The following ATP10D variants were observed in gnomAD, a reference collection of about 807,000 sequenced individuals.
The protein encoded by ATP10D is phospholipid-transporting ATPase VD.
In ATP10D, 89 loss-of-function variants were observed where a neutral mutation model predicts 144.8. The observed-to-expected ratio is 0.61, with a 90% CI of 0.52 to 0.73. The LOEUF is 0.73. ATP10D is among the 30% of genes least tolerant of loss of function. ATP10D has a pLI of 0.00. For synonymous variants in ATP10D, 571 were observed against 615.1 expected (o/e 0.93, Z 1.06); for missense variants, 1,603 against 1,714.8 (o/e 0.93, Z 1.15).
At chr4:47,543,078 A>G (rs1391272578) in intron 9 of ATP10D, among the ~76,000 whole-genome samples, 1 of 152,222 alleles carries the variant, frequency 6.6e-6, no homozygotes, top group African/African-American at 2.4e-5. Flanking sequence ...AAAATAAGAT[A>G]TTTTGAGAGA....
rs1453026338 is a variant in ATP10D, at chr4:47,593,179, C to T, written c.*1798C>T. On this transcript the variant is annotated 3_prime_UTR_variant, in exon 23 of 23. Transcript: ENST00000273859. ...AATACTAAGGAAAAAGAACAATTTT[C>T]AATTTTCAGAAATGAATTATCTGTA... 1 of 151,994 alleles carries T rather than the reference C, an allele frequency of 6.6e-6. No individual in the cohort carries two copies. The highest frequency in any genetic ancestry group is 1.5e-5 in the Non-Finnish European group (1 of 67,954). 9.4% of individuals were successfully genotyped at this position (151,994 alleles called of 1,614,324 possible). A position where few individuals can be genotyped will look rare whatever the true frequency, so the allele number is the denominator to read the frequency against.
At chr4:47,518,596 C>A (rs964822355) in intron 3 of ATP10D, among the ~76,000 whole-genome samples, 1 of 152,130 alleles carries the variant, frequency 6.6e-6, no homozygotes, top group African/African-American at 2.4e-5. Context: ...TTAAAAATCA[C>A]CATGTTGTTG....
At chr4:47,564,848 T>C (rs1292832549) in intron 15 of ATP10D, among the ~76,000 whole-genome samples, 2 of 152,246 alleles carry the variant, frequency 1.3e-5, no homozygotes, top group African/African-American at 4.8e-5. Context: ...ACCAGTGATA[T>C]CAATCCCATC....
At chr4:47,578,351 G>A (rs1317969820) in intron 19 of ATP10D, 1 of 152,156 alleles carries the variant, frequency 6.6e-6, no homozygotes, top group Non-Finnish European at 1.5e-5. Context: ...GCAGTCAGAA[G>A]CTTCCCTTCC....
At chr4:47,521,095 G>T (rs1051989194) in intron 3 of ATP10D, among the ~76,000 whole-genome samples, 10 of 151,892 alleles carry the variant, frequency 6.6e-5, no homozygotes, top group African/African-American at 1.9e-4. Flanking sequence ...ACTTATCTCG[G>T]GTCTTCTTTC....
intron 16 of ATP10D, among the ~76,000 whole-genome samples, chr4:47,569,462 G>T (rs1402623015): frequency 1.3e-5 from 2 of 152,134 alleles, no homozygotes; most frequent in East Asian, 3.8e-4. Flanking sequence ...AAATCCATGT[G>T]TTCTACCTTC....
Position 47,558,077 on chromosome 4 carries a change from T to G in ATP10D, c.2238T>G (p.Ser746=). The stretch of plus-strand genomic sequence containing the variant: ...GGGCTTACCAATGCACTTTACGGTC[T>G]CGGACACCAGAGCAGGTCATGGTGG... ...AARAYQCTLR[S]RTPEQVMVDF... Residue 746 remains serine, a synonymous_variant, in exon 12 of 23, where the codon TCT becomes TCG. Coordinates refer to ENST00000273859, the MANE Select transcript of ATP10D (RefSeq NM_020453.4). 2 of 1,614,214 alleles carry G rather than the reference T, an allele frequency of 1.2e-6. No homozygotes were observed. Among genetic ancestry groups the G allele is most frequent in the Non-Finnish European group, 1.7e-6 (2 of 1,180,034 alleles).
At chr4:47,491,112 T>C in intron 1 of ATP10D, 1 of 731,032 alleles carries the variant, frequency 1.4e-6, no homozygotes, top group Non-Finnish European at 2.6e-6. Flanking sequence ...TCTCTTTGGC[T>C]TTTTTCTTTT....
intron 3 of ATP10D, among the ~76,000 whole-genome samples, chr4:47,516,210 T>A (rs1224334621): frequency 1.3e-5 from 2 of 151,288 alleles, no homozygotes; most frequent in East Asian, 3.9e-4. Flanking sequence ...AGCCACTGCA[T>A]TCCATCCTGG....
At chr4:47,574,339 G>A (rs778109029) in intron 18 of ATP10D, among the ~76,000 whole-genome samples, 2 of 152,190 alleles carry the variant, frequency 1.3e-5, no homozygotes, top group African/African-American at 2.4e-5. Flanking sequence ...CATTCATACT[G>A]ATAATCTCCA....
At chr4:47,507,771 G>C (rs1481915761) in intron 1 of ATP10D, among the ~76,000 whole-genome samples, 1 of 152,216 alleles carries the variant, frequency 6.6e-6, no homozygotes, top group Non-Finnish European at 1.5e-5. Flanking sequence ...TATGAGCCAT[G>C]CTCAGGGTTC....
intron 9 of ATP10D, among the ~76,000 whole-genome samples, chr4:47,544,027 G>C (rs1167257366): frequency 6.8e-6 from 1 of 146,994 alleles, no homozygotes; most frequent in Non-Finnish European, 1.5e-5. Context: ...ATTAAGCAGG[G>C]GATATTGGCC....
intron 15 of ATP10D, among the ~76,000 whole-genome samples, chr4:47,564,902 GGATCACTTCTTGAGCTTTGCCT>G (rs1450110282): frequency 2.6e-5 from 4 of 152,166 alleles, no homozygotes; most frequent in Admixed American, 2.6e-4. Context: ...CTTTTCTTCA[GGATCACTTCTTGAGCTTTGCCT>G]GCTCAAGGCT....
chr4:47,498,613 T>C (rs573360473), intron 1 of ATP10D, among the ~76,000 whole-genome samples: 2 of 152,362 alleles, frequency 1.3e-5, no homozygotes, highest in African/African-American at 4.8e-5. Context: ...TTGTCCCTTA[T>C]TCTCTTAAGA....
chr4:47,562,000 A>T (rs1258258586), intron 14 of ATP10D, among the ~76,000 whole-genome samples: 3 of 152,180 alleles, frequency 2.0e-5, no homozygotes, highest in Non-Finnish European at 4.4e-5. Flanking sequence ...TTTCTCTGTG[A>T]CAGTGTAAGT....
At chr4:47,489,275 T>G (rs1215992159) in intron 1 of ATP10D, among the ~76,000 whole-genome samples, 1 of 152,212 alleles carries the variant, frequency 6.6e-6, no homozygotes, top group African/African-American at 2.4e-5. Flanking sequence ...AATCAAAATG[T>G]ATCATTTTGT....
chr4:47,533,211 T>A, intron 5 of ATP10D, among the ~76,000 whole-genome samples: 1 of 150,834 alleles, frequency 6.6e-6, no homozygotes, highest in East Asian at 1.9e-4. Flanking sequence ...AAAAAAAAAA[T>A]GCCACATTGC....
chr4:47,519,324 T>A (rs113659825), intron 3 of ATP10D, among the ~76,000 whole-genome samples: 2,478 of 152,238 alleles, frequency 0.016, 81 homozygotes, highest in African/African-American at 0.055. Context: ...GCAGAGCTGT[T>A]TGCTACTGAA....
At chr4:47,492,554 T>C (rs1560404960) in intron 1 of ATP10D, among the ~76,000 whole-genome samples, 1 of 152,142 alleles carries the variant, frequency 6.6e-6, no homozygotes, top group Non-Finnish European at 1.5e-5. Context: ...AGGCCTCAGG[T>C]ACAGTTTAAA....
Sources: allele counts gnomAD v4.1 joint callset (sites outside exome capture counted in the v4.1 genomes callset), GRCh38; gene constraint gnomAD v4.1.1; transcripts MANE v1.5; gene names NCBI Gene and HGNC (gene_info 2026-07-23, HGNC 2026-07-21).